Variants in FOXL2 observed in about 807,000 individuals in gnomAD.
FOXL2 encodes forkhead box L2, also known as forkhead box protein L2.
In FOXL2, 3 loss-of-function variants were observed where a neutral mutation model predicts 2.5. The ratio of observed to expected loss-of-function variants is 1.20; its 90% CI spans 0.55 to 3.11. FOXL2 has a LOEUF of 3.11. Among genes scored for constraint, FOXL2 ranks in the 30% most tolerant of loss-of-function variants. The probability of loss-of-function intolerance (pLI) is 0.03; values close to 1 mark genes in which losing one functional copy is unlikely to be tolerated. For synonymous variants in FOXL2, 315 were observed against 269.4 expected, an observed-to-expected ratio of 1.17 and a Z score of -1.66; for missense variants, 512 against 570.0, an observed-to-expected ratio of 0.90 and a Z score of 1.04.
chr3:138,946,982 C>T lies in FOXL2; in HGVS notation c.-260G>A. 1 of 554,758 alleles carries T rather than the reference C, an allele frequency of 1.8e-6. No homozygotes were observed. The highest frequency in any genetic ancestry group is 3.2e-6 in the Non-Finnish European group (1 of 315,498). 34.4% of individuals were successfully genotyped at this position (554,758 alleles called of 1,614,324 possible). On this transcript the variant is annotated 5_prime_UTR_variant, in exon 1 of 1. Coordinates refer to ENST00000648323, the MANE Select transcript of FOXL2 (RefSeq NM_023067.4). ...CCAACAGAGAGGGGCTCCGGCCTCG[C>T]CGCCCCTCCCCGCTCAGGCCAGTCC...
rs2107742835 is a variant in FOXL2 at position 138,945,511 on chromosome 3, C to T, written c.*81G>A. On this transcript the variant is annotated 3_prime_UTR_variant, in exon 1 of 1. Coordinates refer to ENST00000648323, the MANE Select transcript of FOXL2 (RefSeq NM_023067.4). ...AGAGGGTGTGAGGTCAGGCTGGCGGCGGCGTCGTCGGCTGCGACCGGGGCC... is the reference window on the plus strand; with the variant it reads ...AGAGGGTGTGAGGTCAGGCTGGCGGTGGCGTCGTCGGCTGCGACCGGGGCC... 1 of 1,542,092 alleles carries T rather than the reference C, an allele frequency of 6.5e-7. No homozygotes were observed. The highest frequency in any genetic ancestry group is 1.1e-5 in the South Asian group (1 of 87,866).
In FOXL2 at chr3:138,947,101, T is replaced by G. The variant is rs928364190; in HGVS notation, c.-379A>C. ...CCGCGTCTCTGGCGGAGCTGCCTCC[T>G]GGAGTCCCTAGTGCGCCAGGAGCCT... On this transcript the variant is annotated 5_prime_UTR_variant, in exon 1 of 1. Coordinates refer to ENST00000648323, the MANE Select transcript of FOXL2 (RefSeq NM_023067.4). This position sits in a 1 kb window ranked among gnomAD's most constrained non-coding sequence, Gnocchi z 5.2. 1.6e-4 allele frequency: 64 copies of G among 388,884 alleles called. No homozygotes were observed. In the Middle Eastern group the frequency reaches 2.1e-3, roughly 13 times the overall value. The allele number at this position is 388,884 out of a possible 1,614,324, so 24.1% of individuals were successfully genotyped here. A position where few individuals can be genotyped will look rare whatever the true frequency, so the allele number is the denominator to read the frequency against.
Position 138,945,137 on chromosome 3 carries a change from G to C in FOXL2, c.*455C>G, listed in dbSNP as rs1935921431. The C allele has an allele frequency of 1.7e-5, 4 of 238,056 alleles. No individual in the cohort carries two copies. Among genetic ancestry groups the C allele is most frequent in the East Asian group, 1.2e-4 (2 of 17,228 alleles). 14.7% of individuals were successfully genotyped at this position (238,056 alleles called of 1,614,324 possible). On this transcript the variant is annotated 3_prime_UTR_variant, in exon 1 of 1. Transcript: ENST00000648323. The stretch of plus-strand genomic sequence containing the variant: ...CGCGGTCCCGCCATCAGTCCTGTCC[G>C]GCGCGTCTAGCCATGGACTGCACGG...
At position 138,945,526 on chromosome 3, in the gene FOXL2, C is replaced by A. The variant is rs1189290922; in HGVS notation, c.*66G>T. 2.6e-6 allele frequency: 4 copies of A among 1,561,526 alleles called. No homozygotes were observed. In the South Asian group the frequency reaches 3.4e-5, roughly 13 times the overall value. ...AGGCTGGCGGCGGCGTCGTCGGCTG[C>A]GACCGGGGCCGGCGTCGCGCGTCCC... is the stretch of plus-strand genomic sequence containing the variant. On this transcript the variant is annotated 3_prime_UTR_variant, in exon 1 of 1. Transcript: ENST00000648323.
rs1453019206 is a variant in FOXL2 at position 138,947,082 on chromosome 3, C to T, written c.-360G>A. The T allele has an allele frequency of 2.7e-6, 1 of 376,168 alleles. No individual in the cohort carries two copies. The highest frequency in any genetic ancestry group is 3.8e-5 in the South Asian group (1 of 26,354). 23.3% of individuals were successfully genotyped at this position (376,168 alleles called of 1,614,324 possible). ...CGGTTTCCCGAAGCACGACCCGCGTCTCTGGCGGAGCTGCCTCCTGGAGTC... is the reference window on the plus strand; with the variant it reads ...CGGTTTCCCGAAGCACGACCCGCGTTTCTGGCGGAGCTGCCTCCTGGAGTC... On this transcript the variant is annotated 5_prime_UTR_variant, in exon 1 of 1. Transcript: ENST00000648323. The surrounding 1 kb of genome is among the most constrained non-coding windows in gnomAD (Gnocchi z 5.2).
chr3:138,945,254 C>T lies in FOXL2; in HGVS notation c.*338G>A. On this transcript the variant is annotated 3_prime_UTR_variant, in exon 1 of 1. Transcript: ENST00000648323. ...GCCGACGCCCGGTCGCACCTCCGCC[C>T]CGGGCCCTTTCCGCGGTGAATTTGG... 1 of 248,594 alleles carries T rather than the reference C, an allele frequency of 4.0e-6. No homozygotes were observed. The highest frequency in any genetic ancestry group is 7.8e-6 in the Non-Finnish European group (1 of 128,732). 15.4% of individuals were successfully genotyped at this position (248,594 alleles called of 1,614,324 possible). A position where few individuals can be genotyped will look rare whatever the true frequency, so the allele number is the denominator to read the frequency against.
In FOXL2 at chr3:138,946,681, G is replaced by T; in HGVS notation, c.42C>A (p.Ala14=). ...SYPEPEDAAG[A]LLAPETGRTV... is the part of the protein sequence containing the mutation. The stretch of plus-strand genomic sequence containing the variant: ...TGCGACCGGTCTCTGGGGCCAGCAG[G>T]GCCCCCGCCGCGTCCTCGGGCTCGG... Residue 14 remains alanine, a synonymous_variant, in exon 1 of 1, where the codon GCC becomes GCA. Transcript: ENST00000648323. 1 of 1,554,798 alleles carries T rather than the reference G, an allele frequency of 6.4e-7. No homozygotes were observed.
chr3:138,946,390 G>A lies in FOXL2; in HGVS notation c.333C>T (p.Cys111=), dbSNP rs2107744660. The change falls in exon 1 of 1, where the codon TGC becomes TGT. Residue 111 remains cysteine (C), a synonymous_variant. Transcript: ENST00000648323. ...SIRHNLSLNE[C]FIKVPREGGG... ...CGCCCTCGCGCGGCACCTTGATGAA[G>A]CACTCGTTGAGGCTGAGGTTGTGGC... The A allele has an allele frequency of 6.2e-7, 1 of 1,614,114 alleles. No homozygotes were observed. The highest frequency in any genetic ancestry group is 8.5e-7 in the Non-Finnish European group (1 of 1,179,998).
rs1229602114 is a variant in FOXL2 at position 138,945,583 on chromosome 3, G to A, written c.*9C>T. ...CTCGCATCCGTCTGCACCGGCATGC[G>A]GTGGGCTCTCAGAGATCGAGGCGCG... is the stretch of plus-strand genomic sequence containing the variant. On this transcript the variant is annotated 3_prime_UTR_variant, in exon 1 of 1. Coordinates refer to ENST00000648323, the MANE Select transcript of FOXL2 (RefSeq NM_023067.4). The A allele has an allele frequency of 1.2e-6, 2 of 1,607,722 alleles. No individual in the cohort carries two copies. Among genetic ancestry groups the A allele is most frequent in the African/African-American group, 1.3e-5 (1 of 74,912 alleles).
chr3:138,945,390 G>C lies in FOXL2; in HGVS notation c.*202C>G, dbSNP rs910052906. The C allele has an allele frequency of 3.5e-6, 3 of 847,752 alleles. No individual in the cohort carries two copies. The highest frequency in any genetic ancestry group is 3.4e-5 in the African/African-American group (2 of 58,670). 52.5% of individuals were successfully genotyped at this position (847,752 alleles called of 1,614,324 possible). On this transcript the variant is annotated 3_prime_UTR_variant, in exon 1 of 1. Transcript: ENST00000648323. ...ACAGAGGTCAGGGAGGTGAGCACAGGAGGACATAAACTGAGGGGACAAAGA... is the reference window on the plus strand; with the variant it reads ...ACAGAGGTCAGGGAGGTGAGCACAGCAGGACATAAACTGAGGGGACAAAGA...
Position 138,945,030 on chromosome 3 carries a change from C to T in FOXL2, c.*562G>A, listed in dbSNP as rs1293207671. On this transcript the variant is annotated 3_prime_UTR_variant, in exon 1 of 1. Transcript: ENST00000648323. ...CCCAACCCCCGCCCCGCCTAGTGGG[C>T]CCCGCGGCAAGCGGCTTCTGAACAG... is the stretch of plus-strand genomic sequence containing the variant. The T allele has an allele frequency of 3.0e-5, 7 of 232,792 alleles. No individual in the cohort carries two copies. The highest frequency in any genetic ancestry group is 5.9e-5 in the Non-Finnish European group (7 of 117,802). 14.4% of individuals were successfully genotyped at this position (232,792 alleles called of 1,614,324 possible). A position where few individuals can be genotyped will look rare whatever the true frequency, so the allele number is the denominator to read the frequency against.
Position 138,945,865 on chromosome 3 carries a change from A to C in FOXL2, c.858T>G (p.Pro286=), listed in dbSNP as rs370950963. Residue 286 remains proline (P), a synonymous_variant, in exon 1 of 1, where the codon CCT becomes CCG. Transcript: ENST00000648323. ...GCGGATGCGGGTGGGGGTGCGGCGG[A>C]GGCGGGGGTGCGGCCGGCGGGCCTC... ...GLGGPPAAPP[P]PPHPHPHPHA... is the part of the protein sequence containing the mutation. 0.015 allele frequency: 18,487 copies of C among 1,240,948 alleles called. 164 individuals carry two copies. The highest frequency in any genetic ancestry group is 0.019 in the Middle Eastern group (60 of 3,242). The allele number at this position is 1,240,948 out of a possible 1,614,324, so 76.9% of individuals were successfully genotyped here.
rs1185521964 is a variant in FOXL2 at position 138,946,572 on chromosome 3, G to C, written c.151C>G (p.Pro51Ala). Residue 51 changes from proline to alanine, a missense_variant, in exon 1 of 1, where the codon CCG becomes GCG. By Grantham distance (27) the Pro-to-Ala change is conservative (BLOSUM62 -1). This residue lies in a region of FOXL2 where 92 missense variants were observed against 77.8 expected (regional missense o/e 1.18). Transcript: ENST00000648323. ...GGGTAPEKPD[P>A]AQKPPYSYVA... ...TACGAGTACGGGGGCTTCTGCGCCG[G>C]GTCCGGCTTCTCCGGGGCTGTCCCG... 5 of 1,609,900 alleles carry C rather than the reference G, an allele frequency of 3.1e-6. No individual in the cohort carries two copies. The highest frequency in any genetic ancestry group is 1.7e-6 in the Non-Finnish European group (2 of 1,179,708).
In FOXL2 at chr3:138,945,736, G is replaced by A. The variant is rs1443136760; in HGVS notation, c.987C>T (p.Thr329=). 5 of 1,407,224 alleles carry A rather than the reference G, an allele frequency of 3.6e-6. No homozygotes were observed. The highest frequency in any genetic ancestry group is 2.9e-5 in the African/African-American group (2 of 68,004). 87.2% of individuals were successfully genotyped at this position (1,407,224 alleles called of 1,614,324 possible). A position where few individuals can be genotyped will look rare whatever the true frequency, so the allele number is the denominator to read the frequency against. Residue 329 remains threonine (T), a synonymous_variant, in exon 1 of 1, where the codon ACC becomes ACT. Transcript: ENST00000648323. The stretch of plus-strand genomic sequence containing the variant: ...TGGGCGCGGGCGCCGGGGGCGCGGC[G>A]GTGGCTGGGCTGGCAGGGCTGAGCT... ...PGQLSPASPA[T]AAPPAPAPTS...
rs1935953533 is a variant in FOXL2, at chr3:138,945,936, T to G, written c.787A>C (p.Ser263Arg). The change falls in exon 1 of 1, where the codon AGC (serine) becomes CGC (arginine). Residue 263 changes from serine (S) to arginine (R), a missense_variant. Ser to Arg is a moderately radical substitution (Grantham distance 110). Coordinates refer to ENST00000648323, the MANE Select transcript of FOXL2 (RefSeq NM_023067.4). The stretch of plus-strand genomic sequence containing the variant: ...ACTACGCCGGGGGGCAGCGCCATGC[T>G]CTGCACGCGTGTGTACGGCCCGTAC... ...ASYGPYTRVQSMALPPGVVNS... is the reference protein window; with the variant it reads ...ASYGPYTRVQRMALPPGVVNS... The G allele has an allele frequency of 7.3e-7, 1 of 1,376,744 alleles. No individual in the cohort carries two copies. Among genetic ancestry groups the G allele is most frequent in the African/African-American group, 1.5e-5 (1 of 66,154 alleles). 85.3% of individuals were successfully genotyped at this position (1,376,744 alleles called of 1,614,324 possible).
chr3:138,945,773 G>C lies in FOXL2; in HGVS notation c.950C>G (p.Pro317Arg). ...PAPPHHGAAA[P>R]PPGQLSPASP... Reference sequence around the variant, plus strand: ...GGCAGGGCTGAGCTGGCCCGGCGGCGGCGCGGCGGCCCCGTGGTGCGGTGG... The same window carrying C: ...GGCAGGGCTGAGCTGGCCCGGCGGCCGCGCGGCGGCCCCGTGGTGCGGTGG... Residue 317 changes from proline to arginine, a missense_variant, in exon 1 of 1, where the codon CCG becomes CGG. This residue lies in a region of FOXL2 where 287 missense variants were observed against 277.4 expected (regional missense o/e 1.03). Transcript: ENST00000648323. The C allele has an allele frequency of 8.6e-7, 1 of 1,165,938 alleles. No individual in the cohort carries two copies. The highest frequency in any genetic ancestry group is 1.1e-6 in the Non-Finnish European group (1 of 944,818). 72.2% of individuals were successfully genotyped at this position (1,165,938 alleles called of 1,614,324 possible).
rs755652331 is a variant in FOXL2, at chr3:138,946,731, C to T, written c.-9G>A. 1 of 1,560,280 alleles carries T rather than the reference C, an allele frequency of 6.4e-7. No individual in the cohort carries two copies. The highest frequency in any genetic ancestry group is 8.7e-7 in the Non-Finnish European group (1 of 1,153,110). Reference sequence around the variant, plus strand: ...GGGTAGCTGGCCATCATGACAAAGCCGGCGCGCCGCGGCCGGGCCGCCTCT... The same window carrying T: ...GGGTAGCTGGCCATCATGACAAAGCTGGCGCGCCGCGGCCGGGCCGCCTCT... On this transcript the variant is annotated 5_prime_UTR_variant, in exon 1 of 1. Transcript: ENST00000648323.
chr3:138,946,564 C>T lies in FOXL2; in HGVS notation c.159G>A (p.Gln53=). ...GCGCCACGTACGAGTACGGGGGCTT[C>T]TGCGCCGGGTCCGGCTTCTCCGGGG... is the stretch of plus-strand genomic sequence containing the variant. ...GTAPEKPDPA[Q]KPPYSYVALI... The change falls in exon 1 of 1, where the codon CAG becomes CAA. Residue 53 remains glutamine (Q), a synonymous_variant. Coordinates refer to ENST00000648323, the MANE Select transcript of FOXL2 (RefSeq NM_023067.4). 6.2e-7 allele frequency: 1 copy of T among 1,611,002 alleles called. No homozygotes were observed. Among genetic ancestry groups the T allele is most frequent in the Non-Finnish European group, 8.5e-7 (1 of 1,179,856 alleles).
Position 138,945,236 on chromosome 3 carries a change from C to CTACT in FOXL2, c.*355_*356insAGTA. The stretch of plus-strand genomic sequence containing the variant: ...GGCCAAGAGGTCTGCGCTGCCGACG[C>CTACT]CCGGTCGCACCTCCGCCCCGGGCCC... On this transcript the variant is annotated 3_prime_UTR_variant, in exon 1 of 1. Transcript: ENST00000648323. 4.1e-6 allele frequency: 1 copy of CTACT among 244,072 alleles called. No homozygotes were observed. Among genetic ancestry groups the CTACT allele is most frequent in the South Asian group, 1.6e-4 (1 of 6,178 alleles). 15.1% of individuals were successfully genotyped at this position (244,072 alleles called of 1,614,324 possible).
Sources: allele counts gnomAD v4.1 joint callset, GRCh38; gene constraint gnomAD v4.1.1; regional missense constraint gnomAD v4.1.1; non-coding constraint Gnocchi (gnomAD v3.1); transcripts MANE v1.5; gene names NCBI Gene and HGNC (gene_info 2026-07-23, HGNC 2026-07-21).